Variants in RB1 observed in about 807,000 individuals in gnomAD.
The protein encoded by RB1 is retinoblastoma-associated protein.
A neutral mutation model predicts 135.4 loss-of-function variants in RB1; 18 were observed. The observed-to-expected ratio is 0.13, with a 90% CI of 0.09 to 0.20. RB1 has a LOEUF of 0.20. Ranked by LOEUF, RB1 falls within the 10% of genes least tolerant of loss-of-function variation. RB1 has a pLI of 1.00. For missense variants in RB1, 868 were observed against 1,110.0 expected, an observed-to-expected ratio of 0.78 and a Z score of 3.10; for synonymous variants, 365 against 373.2, an observed-to-expected ratio of 0.98 and a Z score of 0.25.
At chr13:48,383,976 T>C (rs944728589) in intron 17 of RB1, among the ~76,000 whole-genome samples, 8 of 152,084 alleles carry the variant, frequency 5.3e-5, no homozygotes, top group Non-Finnish European at 5.9e-5. Flanking sequence ...AGAGAGATAC[T>C]GTGAAGATAC....
rs2138342270 is a variant in RB1, at chr13:48,463,745, C to T, written c.2121C>T (p.Ser707=). The change falls in exon 21 of 27, where the codon TCC becomes TCT. Residue 707 remains serine, a synonymous_variant. Transcript: ENST00000267163. ...DRHLDQIMMC[S]MYGICKVKNI... The stretch of plus-strand genomic sequence containing the variant: ...TTATTTACTAGATTATGATGTGTTC[C>T]ATGTATGGCATATGCAAAGTGAAGA... The T allele has an allele frequency of 6.4e-7, 1 of 1,559,850 alleles. No individual in the cohort carries two copies. Among genetic ancestry groups the T allele is most frequent in the South Asian group, 1.1e-5 (1 of 89,892 alleles).
intron 17 of RB1, among the ~76,000 whole-genome samples, chr13:48,417,942 G>C (rs186336691): frequency 6.6e-6 from 1 of 152,188 alleles, no homozygotes; most frequent in Admixed American, 6.5e-5. Flanking sequence ...ATTGAACCAA[G>C]TTGGAAAACA....
intron 17 of RB1, among the ~76,000 whole-genome samples, chr13:48,425,693 G>GAA (rs143703157): frequency 3.3e-5 from 5 of 149,322 alleles, no homozygotes; most frequent in African/African-American, 7.4e-5. Context: ...ACTCTTAAAG[G>GAA]AAAAAAAAAA....
intron 17 of RB1, among the ~76,000 whole-genome samples, chr13:48,384,502 T>C (rs1436235858): frequency 6.6e-6 from 1 of 152,096 alleles, no homozygotes; most frequent in Non-Finnish European, 1.5e-5. Flanking sequence ...CAAGTGACAG[T>C]TTGGTGAATT....
intron 2 of RB1, chr13:48,318,023 G>T: frequency 2.0e-6 from 1 of 508,028 alleles, no homozygotes; most frequent in South Asian, 1.8e-5. Context: ...GTCAGACAGG[G>T]AGCCGGGGCT....
At chr13:48,465,797 G>A (rs566687294) in intron 23 of RB1, among the ~76,000 whole-genome samples, 5 of 150,932 alleles carry the variant, frequency 3.3e-5, no homozygotes, top group Non-Finnish European at 7.4e-5. Flanking sequence ...AAGGGGTGAC[G>A]GACGCACCTG....
intron 12 of RB1, 27 bp from the exon 13 acceptor site, chr13:48,376,891 A>G: frequency 2.5e-6 from 4 of 1,612,950 alleles, no homozygotes; most frequent in South Asian, 2.2e-5. Context: ...TATCCTCGAC[A>G]TTGATTTCTG....
chr13:48,307,440 T>G, intron 2 of RB1, 34 bp downstream of exon 2: 1 of 1,599,556 alleles, frequency 6.3e-7, no homozygotes, highest in Non-Finnish European at 8.6e-7. Context: ...TGAAATTTTT[T>G]TTTCTCATTT....
intron 2 of RB1, among the ~76,000 whole-genome samples, chr13:48,309,067 A>G (rs1251462863): frequency 2.6e-5 from 4 of 152,320 alleles, no homozygotes; most frequent in African/African-American, 9.6e-5. Context: ...ATAATGTAAT[A>G]AACATTTGTA....
intron 17 of RB1, among the ~76,000 whole-genome samples, chr13:48,390,628 TA>T (rs1448837743): frequency 6.6e-6 from 1 of 152,184 alleles, no homozygotes; most frequent in Non-Finnish European, 1.5e-5. Flanking sequence ...ATCTAATGTC[TA>T]ACATATAGAA....
At chr13:48,410,185 G>T (rs1459125703) in intron 17 of RB1, among the ~76,000 whole-genome samples, 1 of 152,140 alleles carries the variant, frequency 6.6e-6, no homozygotes, top group African/African-American at 2.4e-5. Context: ...CATGCATCAC[G>T]TAATAGCATT....
intron 2 of RB1, among the ~76,000 whole-genome samples, chr13:48,325,332 A>G (rs533584662): frequency 1.1e-4 from 17 of 152,244 alleles, no homozygotes; most frequent in Middle Eastern, 3.4e-3. Context: ...AGTTATATCC[A>G]TAGAAATGAC....
intron 17 of RB1, among the ~76,000 whole-genome samples, chr13:48,390,819 C>T (rs777925213): frequency 6.6e-6 from 1 of 152,114 alleles, no homozygotes; most frequent in African/African-American, 2.4e-5. Flanking sequence ...CATATTTTCC[C>T]CATTCTTTAT....
chr13:48,400,933 C>A (rs1396275263), intron 17 of RB1, among the ~76,000 whole-genome samples: 1 of 152,070 alleles, frequency 6.6e-6, no homozygotes, highest in Admixed American at 6.6e-5. Flanking sequence ...TTTTTCTCTT[C>A]TCTTGAGGCA....
intron 4 of RB1, among the ~76,000 whole-genome samples, chr13:48,346,167 A>T (rs1386418689): frequency 4.7e-5 from 7 of 150,478 alleles, no homozygotes; most frequent in African/African-American, 1.7e-4. Context: ...AAAAAGGGAA[A>T]TTTTTAATTA....
chr13:48,334,748 T>C (rs780604488), intron 2 of RB1, among the ~76,000 whole-genome samples: 1 of 152,296 alleles, frequency 6.6e-6, no homozygotes, highest in South Asian at 2.1e-4. Context: ...TATAAGTAAG[T>C]GCATTGTTTA....
At position 48,373,677 on chromosome 13, in the gene RB1, A is replaced by G. The variant is rs575700764; in HGVS notation, c.1215+185A>G. On this transcript the variant is annotated intron_variant, in intron 12 of 26. Transcript: ENST00000267163. ...ATTAGTAGTATTGTTTTATTTATAC[A>G]GTGTTATTTAAAACATTTTTATGTT... Among the ~76,000 whole-genome samples, 14 of 152,022 alleles carry G rather than the reference A, an allele frequency of 9.2e-5. 1 individual carries two copies. Among genetic ancestry groups the G allele is most frequent in the Non-Finnish European group, 1.9e-4 (13 of 67,946 alleles).
chr13:48,366,844 C>A (rs945511088), intron 9 of RB1, among the ~76,000 whole-genome samples: 1 of 152,030 alleles, frequency 6.6e-6, no homozygotes, highest in South Asian at 2.1e-4. Context: ...GCAGGCTGGG[C>A]GCGGTGGCTC....
chr13:48,403,897 A>G (rs1299959006), intron 17 of RB1, among the ~76,000 whole-genome samples: 2 of 152,112 alleles, frequency 1.3e-5, no homozygotes, highest in Non-Finnish European at 2.9e-5. Flanking sequence ...GCTACTTGGG[A>G]GGCTGAGGAG....
Sources: gnomAD v4.1 joint callset for allele counts (sites outside exome capture counted in the v4.1 genomes callset) on GRCh38, gnomAD v4.1.1 for gene constraint, MANE v1.5 for transcripts, NCBI Gene and HGNC (gene_info 2026-07-23, HGNC 2026-07-21) for gene names.